Variants in GRIP1 observed in about 807,000 individuals in gnomAD.
GRIP1 encodes glutamate receptor interacting protein 1, also known as glutamate receptor-interacting protein 1.
A neutral mutation model predicts 129.9 loss-of-function variants in GRIP1; 45 were observed. The ratio of observed to expected loss-of-function variants is 0.35; its 90% CI spans 0.27 to 0.44. The LOEUF (loss-of-function observed/expected upper bound fraction) is 0.44. Ranked by LOEUF, GRIP1 falls within the 20% of genes least tolerant of loss-of-function variation. The probability of loss-of-function intolerance (pLI) is 1.00; values close to 1 mark genes in which losing one functional copy is unlikely to be tolerated. For synonymous variants in GRIP1, 530 were observed against 520.8 expected, an observed-to-expected ratio of 1.02 and a Z score of -0.24; for missense variants, 1,196 against 1,396.8, an observed-to-expected ratio of 0.86 and a Z score of 2.29.
intron 1 of GRIP1, among the ~76,000 whole-genome samples, chr12:67,053,005 AG>A (rs2043373625): frequency 6.6e-6 from 1 of 152,172 alleles, no homozygotes; most frequent in African/African-American, 2.4e-5. Context: ...CCATAACAGA[AG>A]GAAAAAATTA....
chr12:66,361,241 G>A (rs1328184961), intron 23 of GRIP1, among the ~76,000 whole-genome samples: 1 of 152,144 alleles, frequency 6.6e-6, no homozygotes, highest in African/African-American at 2.4e-5. Flanking sequence ...AGTCTTCTTG[G>A]CTGAGGAGAG....
Position 66,729,068 on chromosome 12 carries a change from T to A in GRIP1, c.-420+74985A>T, listed in dbSNP as rs974573750. Among the ~76,000 whole-genome samples, 13 of 137,638 alleles carry A rather than the reference T, an allele frequency of 9.4e-5. No homozygotes were observed. In the East Asian group the frequency reaches 2.3e-3, roughly 25 times the overall value. The allele number at this position is 137,638 out of a possible 152,430, so 90.3% of individuals were successfully genotyped here. A position where few individuals can be genotyped will look rare whatever the true frequency, so the allele number is the denominator to read the frequency against. On this transcript the variant is annotated intron_variant, in intron 1 of 4. Transcript: ENST00000538373. ...AATACGTTAATTTTTTTTTTTTTTT[T>A]AAAGAGATGGGTTCTCACTATGTTT...
chr12:66,780,277 G>A (rs2038115096), intron 1 of GRIP1, among the ~76,000 whole-genome samples: 2 of 152,206 alleles, frequency 1.3e-5, no homozygotes, highest in South Asian at 4.1e-4. Context: ...GCATCTGATG[G>A]ATGCGGGAAC....
intron 1 of GRIP1, among the ~76,000 whole-genome samples, chr12:66,785,093 G>A (rs938582691): frequency 6.6e-6 from 1 of 151,614 alleles, no homozygotes; most frequent in Non-Finnish European, 1.5e-5. Context: ...GGTCACCATA[G>A]GCCTTGAACT....
intron 1 of GRIP1, among the ~76,000 whole-genome samples, chr12:66,762,243 G>C (rs933771554): frequency 5.9e-5 from 9 of 152,114 alleles, no homozygotes; most frequent in Non-Finnish European, 1.2e-4. Context: ...TAAGTGTCAA[G>C]GAATAACTGT....
intron 1 of GRIP1, among the ~76,000 whole-genome samples, chr12:66,983,435 T>A (rs1215652019): frequency 2.6e-5 from 4 of 152,150 alleles, no homozygotes; most frequent in African/African-American, 9.6e-5. Context: ...CAAGACCAGT[T>A]GTAATCTTAC....
At chr12:66,537,003 C>T (rs976749159) in intron 4 of GRIP1, among the ~76,000 whole-genome samples, 1 of 151,994 alleles carries the variant, frequency 6.6e-6, no homozygotes, top group African/African-American at 2.4e-5. Context: ...TATCAGTATA[C>T]CTCACAATGA....
chr12:66,988,611 T>A (rs2042349691), intron 1 of GRIP1, among the ~76,000 whole-genome samples: 1 of 152,140 alleles, frequency 6.6e-6, no homozygotes, highest in South Asian at 2.1e-4. Flanking sequence ...ACTCCTGGAC[T>A]CAAGTGATCC....
intron 1 of GRIP1, among the ~76,000 whole-genome samples, chr12:66,962,546 G>A (rs2041937135): frequency 6.6e-6 from 1 of 152,128 alleles, no homozygotes; most frequent in Non-Finnish European, 1.5e-5. Context: ...GAAGCAGTAA[G>A]AACTGGGCAC....
At chr12:66,389,016 G>T (rs535259528) in intron 19 of GRIP1, among the ~76,000 whole-genome samples, 1 of 152,120 alleles carries the variant, frequency 6.6e-6, no homozygotes, top group Non-Finnish European at 1.5e-5. Flanking sequence ...TCGATTTCCA[G>T]CCCCAGGAGG....
intron 1 of GRIP1, among the ~76,000 whole-genome samples, chr12:66,791,666 T>C (rs1351951716): frequency 1.3e-5 from 2 of 152,142 alleles, no homozygotes; most frequent in African/African-American, 4.8e-5. Context: ...ACAATACTCT[T>C]TTTTGATGTC....
At chr12:66,793,429 C>A (rs1043002881) in intron 1 of GRIP1, among the ~76,000 whole-genome samples, 4 of 152,084 alleles carry the variant, frequency 2.6e-5, no homozygotes, top group Admixed American at 2.0e-4. Context: ...ATACATCAGT[C>A]CCTAATTTCA....
At position 66,455,510 on chromosome 12, in the gene GRIP1, C is replaced by T; in HGVS notation, c.1253G>A (p.Ser418Asn). 1 of 1,613,896 alleles carries T rather than the reference C, an allele frequency of 6.2e-7. No individual in the cohort carries two copies. The highest frequency in any genetic ancestry group is 8.5e-7 in the Non-Finnish European group (1 of 1,179,772). Residue 418 changes from serine to asparagine, a missense_variant, in exon 11 of 25, where the codon AGT (serine) becomes AAT (asparagine). Around this residue, in one of 5 missense-constraint regions of GRIP1, gnomAD observed 508 missense variants for 587.0 expected, o/e 0.87. Transcript: ENST00000359742. The stretch of plus-strand genomic sequence containing the variant: ...AGGTAGAGTCCCCATGTTCAGGGAA[C>T]TCAGGCTGTATGCACTCATGGAGGT... ...SPTSMSAYSL[S>N]SLNMGTLPRS... is the part of the protein sequence containing the mutation.
chr12:67,008,932 A>T (rs936417146), intron 1 of GRIP1, among the ~76,000 whole-genome samples: 6 of 149,242 alleles, frequency 4.0e-5, no homozygotes, highest in Admixed American at 1.3e-4. Context: ...GGAAAAAAAA[A>T]GTCATTTCAC....
intron 4 of GRIP1, among the ~76,000 whole-genome samples, chr12:66,538,278 C>T (rs1346600862): frequency 6.6e-6 from 1 of 151,624 alleles, no homozygotes. Context: ...TAGCTCACTG[C>T]AGCCTCGACC....
intron 1 of GRIP1, among the ~76,000 whole-genome samples, chr12:66,797,254 AAAGT>A (rs2038726624): frequency 6.6e-6 from 1 of 152,316 alleles, no homozygotes; most frequent in Non-Finnish European, 1.5e-5. Context: ...CTCTAAATGA[AAAGT>A]AAGGGCAAAG....
At chr12:66,866,044 C>T (rs747560071) in intron 1 of GRIP1, among the ~76,000 whole-genome samples, 1 of 152,158 alleles carries the variant, frequency 6.6e-6, no homozygotes, top group African/African-American at 2.4e-5. Flanking sequence ...TTCTGGACCA[C>T]CCAACCCATG....
At chr12:66,383,822 C>A (rs1285765926) in intron 19 of GRIP1, among the ~76,000 whole-genome samples, 1 of 152,202 alleles carries the variant, frequency 6.6e-6, no homozygotes, top group African/African-American at 2.4e-5. Flanking sequence ...TAGCTTCTCT[C>A]AAAGCTAAGT....
intron 15 of GRIP1, among the ~76,000 whole-genome samples, chr12:66,410,268 A>G (rs1210139450): frequency 1.3e-5 from 2 of 148,942 alleles, no homozygotes; most frequent in Non-Finnish European, 3.0e-5. Flanking sequence ...AAAAAAAAAA[A>G]AAAGAAGAGA....
Sources: allele counts gnomAD v4.1 joint callset (sites outside exome capture counted in the v4.1 genomes callset), GRCh38; gene constraint gnomAD v4.1.1; regional missense constraint gnomAD v4.1.1; transcripts MANE v1.5; gene names NCBI Gene and HGNC (gene_info 2026-07-23, HGNC 2026-07-21).